The following MAGI2 variants were observed in gnomAD, a reference collection of about 807,000 sequenced individuals.
The protein encoded by MAGI2 is membrane-associated guanylate kinase, WW and PDZ domain-containing protein 2.
MAGI2 carries 35 observed loss-of-function variants against 133.3 expected under a neutral mutation model. That is an observed-to-expected ratio of 0.26 (90% CI 0.20 to 0.35). MAGI2 has a LOEUF of 0.35. Ranked by LOEUF, MAGI2 falls within the 10% of genes least tolerant of loss-of-function variation. MAGI2 has a pLI of 1.00. For missense variants in MAGI2, 1,636 were observed against 1,863.4 expected (o/e 0.88, Z 2.25); for synonymous variants, 729 against 710.6 (o/e 1.03, Z -0.41).
intron 2 of MAGI2, among the ~76,000 whole-genome samples, chr7:78,908,286 C>A (rs1056454658): frequency 3.3e-5 from 5 of 152,188 alleles, no homozygotes; most frequent in African/African-American, 9.7e-5. Flanking sequence ...TTTTACAGAA[C>A]TATGACACCA....
At chr7:79,058,168 G>C (rs1813341768) in intron 1 of MAGI2, among the ~76,000 whole-genome samples, 1 of 151,950 alleles carries the variant, frequency 6.6e-6, no homozygotes, top group African/African-American at 2.4e-5. Flanking sequence ...AATGCGATGG[G>C]ATACAAATTC....
At chr7:78,297,986 TAAA>T (rs60034232) in intron 9 of MAGI2, among the ~76,000 whole-genome samples, 7 of 148,192 alleles carry the variant, frequency 4.7e-5, no homozygotes, top group Non-Finnish European at 7.4e-5. Context: ...AAAGTATAAT[TAAA>T]AAAAAAGAAT....
intron 16 of MAGI2, among the ~76,000 whole-genome samples, chr7:78,144,302 A>G (rs1375803250): frequency 6.6e-6 from 1 of 152,158 alleles, no homozygotes; most frequent in Non-Finnish European, 1.5e-5. Context: ...TTCTAATAAT[A>G]TTCCTACATA....
intron 21 of MAGI2, among the ~76,000 whole-genome samples, chr7:78,058,533 G>A (rs1812893950): frequency 6.7e-6 from 1 of 150,022 alleles, no homozygotes; most frequent in Non-Finnish European, 1.5e-5. Context: ...GTGCAATGGC[G>A]TGATCTCGGC....
At chr7:78,048,696 C>T (rs1224670148) in intron 21 of MAGI2, among the ~76,000 whole-genome samples, 3 of 152,112 alleles carry the variant, frequency 2.0e-5, no homozygotes, top group African/African-American at 7.2e-5. Context: ...AGTGGTTTGT[C>T]CCAGGGCTTC....
At chr7:79,425,930 T>C (rs1414112838) in intron 1 of MAGI2, among the ~76,000 whole-genome samples, 2 of 152,126 alleles carry the variant, frequency 1.3e-5, no homozygotes, top group African/African-American at 2.4e-5. Flanking sequence ...GTGTTTGAAC[T>C]TGAATAAAAG....
rs536405720 is a variant in MAGI2, at chr7:78,415,375, G to A, written c.1046-46162C>T. 2.2e-4 allele frequency among the ~76,000 whole-genome samples: 33 copies of A among 151,894 alleles called. 1 individual carries two copies. The highest frequency in any genetic ancestry group is 7.9e-4 in the Admixed American group (12 of 15,224). ...AAAATTGGGTAGTGTATTCCAAAAGGTTTATAAAAAAGACAAAAATGAAAT... is the reference window on the plus strand; with the variant it reads ...AAAATTGGGTAGTGTATTCCAAAAGATTTATAAAAAAGACAAAAATGAAAT... On this transcript the variant is annotated intron_variant, in intron 6 of 21. Coordinates refer to ENST00000354212, the MANE Select transcript of MAGI2 (RefSeq NM_012301.4).
At chr7:78,434,288 A>T (rs544370397) in intron 6 of MAGI2, among the ~76,000 whole-genome samples, 5 of 152,308 alleles carry the variant, frequency 3.3e-5, no homozygotes, top group Admixed American at 1.3e-4. Flanking sequence ...AAATTGAATG[A>T]AAAGGTCTTT....
At chr7:78,960,317 G>A (rs976223002) in intron 2 of MAGI2, among the ~76,000 whole-genome samples, 2 of 152,058 alleles carry the variant, frequency 1.3e-5, no homozygotes, top group Non-Finnish European at 2.9e-5. Context: ...ATGGTATAAC[G>A]TAGAACAGGT....
At chr7:78,119,557 C>CAAAA (rs1166809821) in intron 20 of MAGI2, among the ~76,000 whole-genome samples, 9 of 48,916 alleles carry the variant, frequency 1.8e-4, no homozygotes, top group Non-Finnish European at 2.5e-4. Context: ...TGAGACTCCT[C>CAAAA]AAAAAAAAAA....
intron 21 of MAGI2, among the ~76,000 whole-genome samples, chr7:78,048,956 A>AG (rs879260919): frequency 6.5e-4 from 98 of 150,678 alleles, no homozygotes; most frequent in Non-Finnish European, 1.1e-3. Context: ...AATACAAAAA[A>AG]AATTAGCCGG....
At chr7:78,323,517 A>G (rs1788225708) in intron 9 of MAGI2, among the ~76,000 whole-genome samples, 1 of 152,190 alleles carries the variant, frequency 6.6e-6, no homozygotes, top group African/African-American at 2.4e-5. Flanking sequence ...TGGGGGAGAT[A>G]GTTTGGAATT....
chr7:78,907,039 T>C (rs1798046423), intron 2 of MAGI2, among the ~76,000 whole-genome samples: 1 of 152,156 alleles, frequency 6.6e-6, no homozygotes, highest in Non-Finnish European at 1.5e-5. Flanking sequence ...TGAGAAATCA[T>C]TATTGCTGAA....
intron 14 of MAGI2, among the ~76,000 whole-genome samples, chr7:78,173,429 G>A (rs752977948): frequency 2.0e-5 from 3 of 152,154 alleles, no homozygotes; most frequent in Non-Finnish European, 4.4e-5. Flanking sequence ...GGAGGGGAGC[G>A]GTTGAAGATA....
chr7:78,779,398 T>A (rs1826229930), intron 2 of MAGI2, among the ~76,000 whole-genome samples: 2 of 152,186 alleles, frequency 1.3e-5, no homozygotes, highest in South Asian at 4.1e-4. Flanking sequence ...TGAATTACTT[T>A]CCTGAAGGCA....
intron 6 of MAGI2, among the ~76,000 whole-genome samples, chr7:78,376,371 CTTTA>C (rs1794451121): frequency 6.6e-6 from 1 of 152,016 alleles, no homozygotes; most frequent in African/African-American, 2.4e-5. Flanking sequence ...GCTATGAAGT[CTTTA>C]TTTATGAACT....
chr7:78,986,258 G>A (rs1000743193), intron 2 of MAGI2, among the ~76,000 whole-genome samples: 4 of 152,052 alleles, frequency 2.6e-5, no homozygotes, highest in Admixed American at 2.0e-4. Context: ...GAAAAATGAT[G>A]TAGAAAGGCT....
intron 1 of MAGI2, among the ~76,000 whole-genome samples, chr7:79,240,959 A>G (rs937618917): frequency 6.6e-6 from 1 of 152,094 alleles, no homozygotes; most frequent in Admixed American, 6.6e-5. Flanking sequence ...TCAAAAAGTA[A>G]ACAGATATGT....
At chr7:78,393,072 C>G (rs567031814) in intron 6 of MAGI2, among the ~76,000 whole-genome samples, 41 of 152,248 alleles carry the variant, frequency 2.7e-4, no homozygotes, top group African/African-American at 9.9e-4. Flanking sequence ...ATGGGTTATT[C>G]AAGGGGACAG....
Sources: gnomAD v4.1 joint callset for allele counts (sites outside exome capture counted in the v4.1 genomes callset) on GRCh38, gnomAD v4.1.1 for gene constraint, MANE v1.5 for transcripts, NCBI Gene and HGNC (gene_info 2026-07-23, HGNC 2026-07-21) for gene names.